The following STN1 variants were observed in gnomAD, a reference collection of about 807,000 sequenced individuals.
The protein encoded by STN1 is CST complex subunit STN1.
STN1 carries 29 observed loss-of-function variants against 45.5 expected under a neutral mutation model. That is an observed-to-expected ratio of 0.64 (90% CI 0.47 to 0.87). The LOEUF (loss-of-function observed/expected upper bound fraction) is 0.87. STN1 is among the 40% of genes least tolerant of loss of function. The pLI, the probability that STN1 is intolerant of heterozygous loss-of-function variation, is 0.00. For synonymous variants in STN1, 148 were observed against 159.0 expected (o/e 0.93, Z 0.52); for missense variants, 376 against 441.4 (o/e 0.85, Z 1.33).
At chr10:103,897,744 C>G in intron 6 of STN1, 25 bp from the exon 7 acceptor site, 3 of 1,609,754 alleles carry the variant, frequency 1.9e-6, no homozygotes, top group South Asian at 1.1e-5. Flanking sequence ...TTTTAAAGAG[C>G]TCTGCAGAAA....
intron 9 of STN1, among the ~76,000 whole-genome samples, 164 bp from the exon 10 acceptor site, chr10:103,883,005 G>C (rs1843080594): frequency 1.3e-5 from 2 of 152,162 alleles, no homozygotes; most frequent in Non-Finnish European, 2.9e-5. Context: ...AAACAAAACA[G>C]AAACACCTGT....
chr10:103,911,766 A>T (rs1219064394), intron 2 of STN1, among the ~76,000 whole-genome samples: 1 of 152,146 alleles, frequency 6.6e-6, no homozygotes, highest in African/African-American at 2.4e-5. Context: ...GCATAGTCAC[A>T]GCTTCTATTC....
In STN1 at chr10:103,877,945, T is replaced by C. The variant is rs904182818; in HGVS notation, c.*4739A>G. The C allele has an allele frequency of 2.0e-5, 3 of 152,258 alleles. No homozygotes were observed. Among genetic ancestry groups the C allele is most frequent in the African/African-American group, 7.2e-5 (3 of 41,466 alleles). The allele number at this position is 152,258 out of a possible 1,614,324, so 9.4% of individuals were successfully genotyped here. A position where few individuals can be genotyped will look rare whatever the true frequency, so the allele number is the denominator to read the frequency against. The stretch of plus-strand genomic sequence containing the variant: ...TGTAGAGGCCACTAATGAGAAAGTG[T>C]AGATGTTTCCATCATGGAAAATTAC... On this transcript the variant is annotated 3_prime_UTR_variant, in exon 10 of 10. Transcript: ENST00000224950.
rs1229357954 is a variant in STN1 at position 103,880,396 on chromosome 10, TG to T, written c.*2287del. 6.6e-6 allele frequency among the ~76,000 whole-genome samples: 1 copy of T among 152,230 alleles called. No homozygotes were observed. Among genetic ancestry groups the T allele is most frequent in the Non-Finnish European group, 1.5e-5 (1 of 68,032 alleles). ...GAACAGAAGTTCCCACTCTGCGTGG[TG>T]GGTTTCATCCAGGACCAGCAATCTG... On this transcript the variant is annotated 3_prime_UTR_variant, in exon 10 of 10. Coordinates refer to ENST00000224950, the MANE Select transcript of STN1 (RefSeq NM_024928.5).
chr10:103,897,192 C>A (rs1373773419), intron 7 of STN1, among the ~76,000 whole-genome samples: 1 of 151,898 alleles, frequency 6.6e-6, no homozygotes, highest in African/African-American at 2.4e-5. Flanking sequence ...ATTTTTTATT[C>A]CTCTTAGAAA....
intron 7 of STN1, 47 bp downstream of exon 7, chr10:103,897,501 A>T: frequency 7.8e-6 from 12 of 1,544,656 alleles, no homozygotes; most frequent in Non-Finnish European, 1.1e-5. Flanking sequence ...GCAGTTGCAG[A>T]TCTGGGGCAG....
Position 103,897,716 on chromosome 10 carries a change from A to C in STN1, c.585T>G (p.Asn195Lys), listed in dbSNP as rs1054501193. 1.2e-6 allele frequency: 2 copies of C among 1,614,034 alleles called. No individual in the cohort carries two copies. The highest frequency in any genetic ancestry group is 2.2e-5 in the South Asian group (2 of 91,080). The change falls in exon 7 of 10, where the codon AAT becomes AAG. Residue 195 changes from asparagine (N) to lysine (K), a missense_variant. Coordinates refer to ENST00000224950, the MANE Select transcript of STN1 (RefSeq NM_024928.5). The stretch of plus-strand genomic sequence containing the variant: ...GACTGGGGAGGTCCAGGGCGCCTGG[A>C]TTGCTGCGGAGGGAAAGTTTTAAAG... ...SALEKEEALS[N>K]PGALDLPSLT...
intron 3 of STN1, among the ~76,000 whole-genome samples, chr10:103,906,392 C>T (rs75081270): frequency 6.6e-6 from 1 of 152,188 alleles, no homozygotes; most frequent in African/African-American, 2.4e-5. Flanking sequence ...CATGGTGGCT[C>T]ATGCCTATAA....
intron 3 of STN1, among the ~76,000 whole-genome samples, chr10:103,910,264 T>A (rs1266556210): frequency 6.6e-6 from 1 of 152,310 alleles, no homozygotes; most frequent in African/African-American, 2.4e-5. Flanking sequence ...TCGATGCTCA[T>A]AGGGGGCTGT....
intron 2 of STN1, among the ~76,000 whole-genome samples, chr10:103,915,228 C>T (rs1843323709): frequency 6.6e-6 from 1 of 152,200 alleles, no homozygotes; most frequent in Admixed American, 6.5e-5. Flanking sequence ...ACTGAGGTCT[C>T]ATAAGGTAGG....
At chr10:103,908,888 ATT>A (rs35148368) in intron 3 of STN1, among the ~76,000 whole-genome samples, 68 of 148,602 alleles carry the variant, frequency 4.6e-4, no homozygotes, top group Non-Finnish European at 4.9e-4. Context: ...AATGCAGTTA[ATT>A]TTTTTTTTTT....
intron 9 of STN1, 74 bp from the exon 10 acceptor site, chr10:103,882,915 T>C: frequency 7.0e-7 from 1 of 1,427,178 alleles, no homozygotes; most frequent in Non-Finnish European, 9.5e-7. Flanking sequence ...ATACCTGACT[T>C]GGCATCTGCA....
intron 7 of STN1, among the ~76,000 whole-genome samples, chr10:103,894,690 G>GC (rs1177433056): frequency 9.0e-6 from 1 of 110,724 alleles, no homozygotes; most frequent in Non-Finnish European, 2.0e-5. Flanking sequence ...TTGCTCACAG[G>GC]CAAAAAAAAA....
intron 9 of STN1, among the ~76,000 whole-genome samples, chr10:103,883,135 CT>C (rs1410571301): frequency 8.5e-5 from 13 of 152,172 alleles, no homozygotes; most frequent in African/African-American, 3.1e-4. Flanking sequence ...ATTTTTAGTG[CT>C]TGATAAACTT....
chr10:103,904,184 A>G (rs1843226546), intron 4 of STN1, among the ~76,000 whole-genome samples: 1 of 152,188 alleles, frequency 6.6e-6, no homozygotes, highest in African/African-American at 2.4e-5. Context: ...GAATAACCCC[A>G]CTGTGTATGG....
intron 6 of STN1, among the ~76,000 whole-genome samples, chr10:103,898,580 A>C (rs1175901799): frequency 6.6e-6 from 1 of 152,200 alleles, no homozygotes; most frequent in East Asian, 1.9e-4. Flanking sequence ...GAAAAATGTC[A>C]GGCATTATTA....
chr10:103,901,956 T>C (rs1403356464), intron 4 of STN1, among the ~76,000 whole-genome samples: 5 of 152,222 alleles, frequency 3.3e-5, no homozygotes, highest in Non-Finnish European at 5.9e-5. Context: ...AATACATAAT[T>C]ATTCCGTACA....
intron 7 of STN1, among the ~76,000 whole-genome samples, chr10:103,893,803 G>A (rs1843155235): frequency 6.6e-6 from 1 of 152,188 alleles, no homozygotes; most frequent in Non-Finnish European, 1.5e-5. Flanking sequence ...TCACAAATGT[G>A]TTCTCCTGGG....
intron 2 of STN1, 90 bp downstream of exon 2, chr10:103,917,372 C>G: frequency 7.8e-7 from 1 of 1,277,864 alleles, no homozygotes; most frequent in Non-Finnish European, 1.1e-6. Context: ...AGGGAAGGCT[C>G]TCCTAAAAGC....
Sources: allele counts gnomAD v4.1 joint callset (sites outside exome capture counted in the v4.1 genomes callset), GRCh38; gene constraint gnomAD v4.1.1; transcripts MANE v1.5; gene names NCBI Gene and HGNC (gene_info 2026-07-23, HGNC 2026-07-21).